The following CYP2A7 variants were observed in gnomAD, a reference collection of about 807,000 sequenced individuals.
The protein encoded by CYP2A7 is cytochrome P450 2A7.
CYP2A7 carries 36 observed loss-of-function variants against 42.0 expected under a neutral mutation model. The observed-to-expected ratio is 0.86, with a 90% confidence interval of 0.66 to 1.13. The LOEUF (loss-of-function observed/expected upper bound fraction) is 1.13, where lower values mean the gene tolerates loss of function less well. Ranked by LOEUF, CYP2A7 falls within the 50% of genes most tolerant of loss-of-function variation. The pLI is 0.00. For synonymous variants in CYP2A7, 260 were observed against 249.5 expected, an observed-to-expected ratio of 1.04 and a Z score of -0.40; for missense variants, 661 against 634.1, an observed-to-expected ratio of 1.04 and a Z score of -0.46.
rs548271843 is a variant in CYP2A7, at chr19:40,878,231, G to A, written c.832-238C>T. 4.8e-4 allele frequency among the ~76,000 whole-genome samples: 72 copies of A among 151,524 alleles called. 1 individual carries two copies. The highest frequency in any genetic ancestry group is 1.6e-3 in the African/African-American group (68 of 41,374). ...CATCTGTCCTTTAATTATCAACTTA[G>A]CTGTCAGTTTTTTTTTTCTTACACT... On this transcript the variant is annotated intron_variant, in intron 5 of 8. Coordinates refer to ENST00000301146, the MANE Select transcript of CYP2A7 (RefSeq NM_000764.3).
Position 40,878,507 on chromosome 19 carries a change from G to A in CYP2A7, c.831+253C>T, listed in dbSNP as rs1336643796. On this transcript the variant is annotated intron_variant, in intron 5 of 8. Transcript: ENST00000301146. ...GCGCCACCACGTGCAGCTAATTTTT[G>A]GATTTTTAGTAGAGACAGGGTTTGA... Among the ~76,000 whole-genome samples the A allele has an allele frequency of 5.9e-5, 9 of 151,744 alleles. 1 individual carries two copies. Among genetic ancestry groups the A allele is most frequent in the African/African-American group, 2.2e-4 (9 of 41,394 alleles).
intron 4 of CYP2A7, 116 bp downstream of exon 4, chr19:40,879,968 G>A: frequency 6.6e-7 from 1 of 1,523,826 alleles, no homozygotes; most frequent in Non-Finnish European, 8.9e-7. Flanking sequence ...ATCGGGGGCT[G>A]ATTTTGAGGG....
intron 6 of CYP2A7, 95 bp from the exon 7 acceptor site, chr19:40,877,472 C>T (rs2145146593): frequency 1.3e-6 from 2 of 1,538,518 alleles, no homozygotes; most frequent in Non-Finnish European, 1.8e-6. Flanking sequence ...GATACGGCTC[C>T]CCCTATGAGA....
chr19:40,876,260 G>A (rs1230888789), intron 8 of CYP2A7: 8 of 605,358 alleles, frequency 1.3e-5, no homozygotes, highest in African/African-American at 5.6e-5. Context: ...CTGCTGTGCC[G>A]TCATCTCCTT....
chr19:40,877,151 T>C, intron 7 of CYP2A7, 39 bp downstream of exon 7: 1 of 1,601,448 alleles, frequency 6.2e-7, no homozygotes, highest in Non-Finnish European at 8.5e-7. Context: ...AGAGAAGGGC[T>C]GGAAGTCCCC....
intron 5 of CYP2A7, 22 bp downstream of exon 5, chr19:40,878,738 C>G (rs780551745): frequency 1.1e-5 from 17 of 1,610,098 alleles, no homozygotes; most frequent in Admixed American, 3.3e-5. Flanking sequence ...TGCACCTCCC[C>G]GCACTGGCTG....
At position 40,880,217 on chromosome 19, in the gene CYP2A7, A is replaced by C. The variant is rs770534311; in HGVS notation, c.521T>G (p.Leu174Arg). ...GATGACATTGGAGACTGTGCGGCTC[A>C]GGAAGAAGGTGGGATCGATATTGGC... ...HGANIDPTFFLSRTVSNVISS... is the reference protein window; with the variant it reads ...HGANIDPTFFRSRTVSNVISS... Residue 174 changes from leucine to arginine, a missense_variant, in exon 4 of 9, where the codon CTG becomes CGG. By Grantham distance (102) the Leu-to-Arg change is moderately radical. Coordinates refer to ENST00000301146, the MANE Select transcript of CYP2A7 (RefSeq NM_000764.3). The C allele has an allele frequency of 1.2e-6, 2 of 1,612,790 alleles. No homozygotes were observed. The highest frequency in any genetic ancestry group is 1.7e-6 in the Non-Finnish European group (2 of 1,179,206).
Position 40,882,041 on chromosome 19 carries a change from G to A in CYP2A7, c.170C>T (p.Ser57Phe), listed in dbSNP as rs772094834. The A allele has an allele frequency of 1.3e-5, 21 of 1,613,162 alleles. No homozygotes were observed. Among genetic ancestry groups the A allele is most frequent in the Non-Finnish European group, 1.7e-5 (20 of 1,179,412 alleles). ...LQLNTEHICDSIMKFSECYGP... is the reference protein window; with the variant it reads ...LQLNTEHICDFIMKFSECYGP... ...CCTGCCTTGGGACACCTTCATGATGGAGTCACATATGTGCTCTGTGTTCAG... is the reference window on the plus strand; with the variant it reads ...CCTGCCTTGGGACACCTTCATGATGAAGTCACATATGTGCTCTGTGTTCAG... Residue 57 changes from serine (S) to phenylalanine (F), a missense_variant, in exon 1 of 9, where the codon TCC becomes TTC. By Grantham distance (155) the Ser-to-Phe change is radical. This residue lies in a region of CYP2A7 where 614 missense variants were observed against 552.4 expected (regional missense o/e 1.11). Transcript: ENST00000301146.
At chr19:40,880,986 AGATGGAGGAAGAG>A (rs1156693086) in intron 2 of CYP2A7, among the ~76,000 whole-genome samples, 4 of 148,760 alleles carry the variant, frequency 2.7e-5, no homozygotes, top group Admixed American at 6.7e-5. Flanking sequence ...AGAAAGAGAG[AGATGGAGGAAGAG>A]GATGGAGGGA....
In CYP2A7 at chr19:40,877,158, C is replaced by A. The variant is rs199686117; in HGVS notation, c.1161+32G>T. 279 of 1,607,806 alleles carry A rather than the reference C, an allele frequency of 1.7e-4. 7 individuals carry two copies. Among genetic ancestry groups the A allele is most frequent in the Non-Finnish European group, 2.2e-4 (264 of 1,175,084 alleles). On this transcript the variant is annotated intron_variant, in intron 7 of 8. Transcript: ENST00000301146. ...GGGGACACAGAGAAGGGCTGGAAGT[C>A]CCCGTAGTCTAGGGGGTGGGGAGGA...
chr19:40,878,717 C>A (rs778236769), intron 5 of CYP2A7, 43 bp downstream of exon 5: 6 of 1,601,696 alleles, frequency 3.7e-6, no homozygotes, highest in Non-Finnish European at 4.3e-6. Context: ...TGATTTCCCT[C>A]TGCCTGGCTT....
In CYP2A7 at chr19:40,880,461, T is replaced by G. The variant is rs3815706; in HGVS notation, c.493+18A>C. On this transcript the variant is annotated intron_variant, in intron 3 of 8. Transcript: ENST00000301146. ...TGTTTTCCTTCTCCTGCCCCCGCAC[T>G]CGGGGAACCTTACTCACCGTGCGTG... 237,652 of 1,607,910 alleles carry G rather than the reference T, an allele frequency of 0.15. 22,586 individuals are homozygous for G. Among genetic ancestry groups the G allele is most frequent in the East Asian group, 0.17 (7,530 of 44,724 alleles).
chr19:40,879,742 G>A (rs867646201), intron 4 of CYP2A7, among the ~76,000 whole-genome samples: 3 of 151,594 alleles, frequency 2.0e-5, no homozygotes, highest in South Asian at 2.1e-4. Context: ...GCGGGTTGAC[G>A]CAGTCATTTG....
chr19:40,881,841 C>A, intron 1 of CYP2A7, 90 bp from the exon 2 acceptor site: 1 of 1,554,602 alleles, frequency 6.4e-7, no homozygotes, highest in Non-Finnish European at 8.7e-7. Context: ...GGATCCTTCA[C>A]CCCCAGGTTC....
In CYP2A7 at chr19:40,878,707, T is replaced by A. The variant is rs961535572; in HGVS notation, c.831+53A>T. The stretch of plus-strand genomic sequence containing the variant: ...TCGTCTGCCCGCCCCACTCCCAGTC[T>A]GATTTCCCTCTGCCTGGCTTTGCAC... On this transcript the variant is annotated intron_variant, in intron 5 of 8. Coordinates refer to ENST00000301146, the MANE Select transcript of CYP2A7 (RefSeq NM_000764.3). 7.3e-5 allele frequency: 116 copies of A among 1,597,974 alleles called. 3 individuals are homozygous for A. Among genetic ancestry groups the A allele is most frequent in the Non-Finnish European group, 9.7e-5 (113 of 1,169,624 alleles).
At position 40,875,858 on chromosome 19, in the gene CYP2A7, G is replaced by A. The variant is rs529128750; in HGVS notation, c.1320C>T (p.Phe440=). The change falls in exon 9 of 9, where the codon TTC becomes TTT. Residue 440 remains phenylalanine, a synonymous_variant. Coordinates refer to ENST00000301146, the MANE Select transcript of CYP2A7 (RefSeq NM_000764.3). Reference sequence around the variant, plus strand: ...GCTCCATTCTGGCCAGGCCTTCTCCGAAACAGTTCCGCTTTCCTGAGGAGG... The same window carrying A: ...GCTCCATTCTGGCCAGGCCTTCTCCAAAACAGTTCCGCTTTCCTGAGGAGG... The part of the protein sequence containing the change: ...VPFSIGKRNC[F]GEGLARMELF... 2.7e-4 allele frequency: 421 copies of A among 1,558,008 alleles called. 11 individuals are homozygous for A. The highest frequency in any genetic ancestry group is 5.2e-4 in the Middle Eastern group (3 of 5,730).
chr19:40,876,572 T>A lies in CYP2A7; in HGVS notation c.1258A>T (p.Lys420Ter), dbSNP rs1967534795. The change falls in exon 8 of 9, where the codon AAG becomes TAG. Residue 420 changes from lysine (K) to a stop codon, truncating the protein, a stop_gained. Transcript: ENST00000301146. LOFTEE classifies it low-confidence loss of function (END_TRUNC). ...GCATCACTCTTCTTAAACTGCCCCT[T>A]GTCATCCAGGAAATGCTGGGGATTG... ...DFNPQHFLDD[K>*]GQFKKSDAFV... 1 of 1,613,040 alleles carries A rather than the reference T, an allele frequency of 6.2e-7. No homozygotes were observed. The highest frequency in any genetic ancestry group is 1.3e-5 in the African/African-American group (1 of 74,986).
Position 40,877,217 on chromosome 19 carries a change from G to A in CYP2A7, c.1134C>T (p.Thr378=), listed in dbSNP as rs550701486. The A allele has an allele frequency of 2.5e-6, 4 of 1,612,760 alleles. No individual in the cohort carries two copies. The African/African-American group carries it at 5.3e-5, about 22-fold the overall frequency. The change falls in exon 7 of 9, where the codon ACC becomes ACT. Residue 378 remains threonine, a synonymous_variant. Coordinates refer to ENST00000301146, the MANE Select transcript of CYP2A7 (RefSeq NM_000764.3). ...TAGGGAGGAAAAAATCCCGAAACTTGGTGTCCTTTTTAACCCTGCGGGCCA... is the reference window on the plus strand; with the variant it reads ...TAGGGAGGAAAAAATCCCGAAACTTAGTGTCCTTTTTAACCCTGCGGGCCA... ...MSLARRVKKD[T]KFRDFFLPKG...
Position 40,881,669 on chromosome 19 carries a change from C to G in CYP2A7, c.263G>C (p.Arg88Thr). ...CTCAGCCTGGTCCACCAGAGCCTCCCTGACGGCATCATGTCCACACAGCAC... is the reference window on the plus strand; with the variant it reads ...CTCAGCCTGGTCCACCAGAGCCTCCGTGACGGCATCATGTCCACACAGCAC... The part of the protein sequence containing the change: ...VVVLCGHDAV[R>T]EALVDQAEEF... Residue 88 changes from arginine (R) to threonine (T), a missense_variant, in exon 2 of 9, where the codon AGG (arginine) becomes ACG (threonine). Arg to Thr is a moderately conservative substitution (Grantham distance 71). Around this residue, in one of 3 missense-constraint regions of CYP2A7, gnomAD observed 614 missense variants for 552.4 expected, o/e 1.11. Transcript: ENST00000301146. 6.2e-7 allele frequency: 1 copy of G among 1,613,414 alleles called. No homozygotes were observed. The highest frequency in any genetic ancestry group is 8.5e-7 in the Non-Finnish European group (1 of 1,179,780).
Sources: gnomAD v4.1 joint callset for allele counts (sites outside exome capture counted in the v4.1 genomes callset) on GRCh38, gnomAD v4.1.1 for gene constraint, gnomAD v4.1.1 regional missense constraint, MANE v1.5 for transcripts, NCBI Gene and HGNC (gene_info 2026-07-23, HGNC 2026-07-21) for gene names.